Variants in SLC8A3 observed in about 807,000 individuals in gnomAD.
SLC8A3 encodes solute carrier family 8 member A3.
Under a neutral mutation model 65.4 loss-of-function variants are expected in SLC8A3, and 37 were observed. The ratio of observed to expected loss-of-function variants is 0.57; its 90% CI spans 0.44 to 0.74. The LOEUF (loss-of-function observed/expected upper bound fraction) is 0.74, where lower values mean the gene tolerates loss of function less well. Ranked by LOEUF, SLC8A3 falls within the 30% of genes least tolerant of loss-of-function variation. SLC8A3 has a pLI of 0.00. For missense variants in SLC8A3, 1,112 were observed against 1,172.1 expected (o/e 0.95, Z 0.75); for synonymous variants, 461 against 444.5 (o/e 1.04, Z -0.47).
chr14:70,091,380 C>T (rs1891795182), intron 2 of SLC8A3, among the ~76,000 whole-genome samples: 1 of 152,196 alleles, frequency 6.6e-6, no homozygotes, highest in Non-Finnish European at 1.5e-5. Flanking sequence ...GAGGAAGCTC[C>T]TGTGTTAAAA....
intron 1 of SLC8A3, among the ~76,000 whole-genome samples, chr14:70,171,067 C>T (rs1897497140): frequency 6.6e-6 from 1 of 152,314 alleles, no homozygotes; most frequent in East Asian, 1.9e-4. Flanking sequence ...AGGACCTTGG[C>T]TCTTTACTTT....
At chr14:70,127,638 C>A (rs1343264881) in intron 2 of SLC8A3, among the ~76,000 whole-genome samples, 2 of 152,128 alleles carry the variant, frequency 1.3e-5, no homozygotes, top group Non-Finnish European at 2.9e-5. Flanking sequence ...TGGATAGTAG[C>A]TGGTTTGTTG....
intron 2 of SLC8A3, among the ~76,000 whole-genome samples, chr14:70,091,993 A>G (rs534277103): frequency 2.6e-5 from 4 of 152,292 alleles, no homozygotes; most frequent in African/African-American, 4.8e-5. Flanking sequence ...TCACCACGTT[A>G]CTTCCTATGC....
chr14:70,108,420 A>C (rs1169174082), intron 2 of SLC8A3, among the ~76,000 whole-genome samples: 1 of 151,718 alleles, frequency 6.6e-6, no homozygotes, highest in Non-Finnish European at 1.5e-5. Flanking sequence ...AAAAAGAAAA[A>C]TGAAAAAGAA....
intron 1 of SLC8A3, among the ~76,000 whole-genome samples, chr14:70,179,727 A>T (rs999038594): frequency 9.2e-5 from 14 of 152,230 alleles, no homozygotes; most frequent in African/African-American, 3.4e-4. Flanking sequence ...GCATAATGAT[A>T]ATCAGCATTT....
chr14:70,104,162 T>C (rs1323485951), intron 2 of SLC8A3, among the ~76,000 whole-genome samples: 2 of 151,998 alleles, frequency 1.3e-5, no homozygotes, highest in Non-Finnish European at 2.9e-5. Flanking sequence ...AAGAGAGAAA[T>C]AGCCAATTCC....
intron 6 of SLC8A3, 100 bp downstream of exon 6, chr14:70,048,667 T>C (rs1444886968): frequency 1.1e-5 from 12 of 1,062,160 alleles, no homozygotes; most frequent in African/African-American, 1.6e-5. Context: ...CTCTGTTAAG[T>C]TCAGATCTGA....
In SLC8A3 at chr14:70,109,617, C is replaced by T. The variant is rs144872569; in HGVS notation, c.1785-48678G>A. ...CTACAGTGCATGCCACCACAACTGG[C>T]TAATTTTTGTATTTTTGGTAGGGAT... On this transcript the variant is annotated intron_variant, in intron 2 of 6. Transcript: ENST00000356921. Among the ~76,000 whole-genome samples, 882 of 151,922 alleles carry T rather than the reference C, an allele frequency of 5.8e-3. 12 individuals carry two copies. Among genetic ancestry groups the T allele is most frequent in the African/African-American group, 0.02 (825 of 41,416 alleles).
chr14:70,169,804 C>G (rs1897398125), intron 1 of SLC8A3, among the ~76,000 whole-genome samples: 1 of 152,038 alleles, frequency 6.6e-6, no homozygotes, highest in South Asian at 2.1e-4. Context: ...GTCTTCATCC[C>G]CCATATTTGC....
intron 2 of SLC8A3, among the ~76,000 whole-genome samples, chr14:70,073,455 C>CT (rs1890192297): frequency 6.6e-6 from 1 of 152,246 alleles, no homozygotes; most frequent in East Asian, 1.9e-4. Context: ...CCAATTCTCT[C>CT]TTTTTTCTAA....
intron 1 of SLC8A3, among the ~76,000 whole-genome samples, chr14:70,179,533 G>T (rs550333125): frequency 4.6e-5 from 7 of 152,282 alleles, no homozygotes; most frequent in Admixed American, 4.6e-4. Flanking sequence ...TTCCTGGCAA[G>T]CCTTAGGGTA....
intron 2 of SLC8A3, among the ~76,000 whole-genome samples, chr14:70,136,925 G>A (rs1039850295): frequency 6.6e-6 from 1 of 152,192 alleles, no homozygotes; most frequent in Non-Finnish European, 1.5e-5. Context: ...AGAAATGCAT[G>A]CTACTTTTAA....
At chr14:70,086,401 C>CTTTTTTTTTTTTTTTTTTTTT (rs10605312) in intron 2 of SLC8A3, among the ~76,000 whole-genome samples, 2 of 116,146 alleles carry the variant, frequency 1.7e-5, no homozygotes, top group African/African-American at 3.2e-5. Context: ...TTTCTTTTTT[C>CTTTTTTTTTTTTTTTTTTTTT]TTTTTTTTTT....
intron 2 of SLC8A3, among the ~76,000 whole-genome samples, chr14:70,063,016 T>C (rs1192596207): frequency 6.6e-6 from 1 of 152,180 alleles, no homozygotes; most frequent in African/African-American, 2.4e-5. Flanking sequence ...TTGGAGGCCA[T>C]GGGATGTATG....
At chr14:70,119,606 C>T (rs540798384) in intron 2 of SLC8A3, among the ~76,000 whole-genome samples, 1 of 152,318 alleles carries the variant, frequency 6.6e-6, no homozygotes, top group Admixed American at 6.5e-5. Context: ...TGCATTTTCT[C>T]AGATCAGAAG....
intron 2 of SLC8A3, among the ~76,000 whole-genome samples, chr14:70,129,271 G>C (rs1246316875): frequency 6.6e-6 from 1 of 152,126 alleles, no homozygotes; most frequent in Admixed American, 6.5e-5. Flanking sequence ...AGAAAACTTG[G>C]TGTCCTGGAA....
rs556426904 is a variant in SLC8A3 at position 70,101,635 on chromosome 14, C to A, written c.1785-40696G>T. On this transcript the variant is annotated intron_variant, in intron 2 of 6. Coordinates refer to ENST00000356921, the MANE Select transcript of SLC8A3 (RefSeq NM_182932.3). ...TATTTTTAAAATGATCCAAGTTGAACTTGTACCTCTGGCCATGATGGAGGA... is the reference window on the plus strand; with the variant it reads ...TATTTTTAAAATGATCCAAGTTGAAATTGTACCTCTGGCCATGATGGAGGA... Among the ~76,000 whole-genome samples, 8 of 152,304 alleles carry A rather than the reference C, an allele frequency of 5.3e-5. No homozygotes were observed. The East Asian group carries it at 5.8e-4, about 11-fold the overall frequency.
chr14:70,166,504 T>C, intron 2 of SLC8A3, 135 bp downstream of exon 2: 1 of 617,982 alleles, frequency 1.6e-6, no homozygotes, highest in Non-Finnish European at 2.9e-6. Flanking sequence ...CTGCTGATCC[T>C]GCATACCTGT....
intron 4 of SLC8A3, 120 bp downstream of exon 4, chr14:70,051,870 G>A (rs8014694): frequency 0.056 from 43,549 of 775,572 alleles, 3,794 homozygotes; most frequent in East Asian, 0.4. Flanking sequence ...GGGTGGGTAA[G>A]TGATTTGTTC....
Sources: allele counts gnomAD v4.1 joint callset (sites outside exome capture counted in the v4.1 genomes callset), GRCh38; gene constraint gnomAD v4.1.1; transcripts MANE v1.5; gene names NCBI Gene and HGNC (gene_info 2026-07-23, HGNC 2026-07-21).